Variants in CACNA2D3 observed in about 807,000 individuals in gnomAD.
The protein encoded by CACNA2D3 is voltage-dependent calcium channel subunit alpha-2/delta-3.
Under a neutral mutation model 160.6 loss-of-function variants are expected in CACNA2D3, and 60 were observed. The observed-to-expected ratio is 0.37, with a 90% confidence interval of 0.30 to 0.46. CACNA2D3 has a LOEUF of 0.46. Among genes scored for constraint, CACNA2D3 ranks in the 20% least tolerant of loss-of-function variants. The pLI, the probability that CACNA2D3 is intolerant of heterozygous loss-of-function variation, is 1.00. For synonymous variants in CACNA2D3, 558 were observed against 492.9 expected, an observed-to-expected ratio of 1.13 and a Z score of -1.75; for missense variants, 1,205 against 1,365.0, an observed-to-expected ratio of 0.88 and a Z score of 1.85.
intron 5 of CACNA2D3, among the ~76,000 whole-genome samples, chr3:54,559,919 A>G (rs1227480515): frequency 6.6e-6 from 1 of 152,188 alleles, no homozygotes; most frequent in Non-Finnish European, 1.5e-5. Flanking sequence ...TGCAGAGGAC[A>G]TGGTCTTGTT....
intron 11 of CACNA2D3, among the ~76,000 whole-genome samples, chr3:54,740,227 A>C (rs1701622364): frequency 1.3e-5 from 2 of 152,154 alleles, no homozygotes; most frequent in Non-Finnish European, 2.9e-5. Flanking sequence ...CAGCCGTACA[A>C]ATCACTGTCT....
At chr3:54,956,740 G>T (rs529859343) in intron 27 of CACNA2D3, among the ~76,000 whole-genome samples, 16 of 152,226 alleles carry the variant, frequency 1.1e-4, no homozygotes, top group African/African-American at 3.9e-4. Context: ...TTACCTAGGG[G>T]AAGACAGAAC....
At chr3:54,421,482 G>A (rs1169588783) in intron 4 of CACNA2D3, among the ~76,000 whole-genome samples, 2 of 151,956 alleles carry the variant, frequency 1.3e-5, no homozygotes, top group East Asian at 2.0e-4. Flanking sequence ...GAAAGAGGCA[G>A]AGCAGGTGAC....
chr3:54,249,077 A>G (rs1702133928), intron 2 of CACNA2D3, among the ~76,000 whole-genome samples: 1 of 152,212 alleles, frequency 6.6e-6, no homozygotes, highest in Non-Finnish European at 1.5e-5. Flanking sequence ...ACGGGATATC[A>G]AGGAGAAGAA....
At chr3:55,025,691 C>T (rs1703551147) in intron 35 of CACNA2D3, among the ~76,000 whole-genome samples, 1 of 146,000 alleles carries the variant, frequency 6.8e-6, no homozygotes, top group Admixed American at 6.9e-5. Flanking sequence ...TTATATCAGT[C>T]ATGGCTAGTC....
intron 35 of CACNA2D3, among the ~76,000 whole-genome samples, chr3:55,066,468 G>A (rs1704637831): frequency 6.6e-6 from 1 of 152,118 alleles, no homozygotes; most frequent in Non-Finnish European, 1.5e-5. Context: ...CAATCCTGTG[G>A]TCCTCGGGGG....
chr3:54,254,992 C>T (rs1211609524), intron 2 of CACNA2D3, among the ~76,000 whole-genome samples: 2 of 152,200 alleles, frequency 1.3e-5, no homozygotes, highest in Non-Finnish European at 2.9e-5. Context: ...TTATTGTCTA[C>T]CTCCTGAATC....
At chr3:54,772,908 G>A (rs1044203847) in intron 13 of CACNA2D3, among the ~76,000 whole-genome samples, 3 of 152,184 alleles carry the variant, frequency 2.0e-5, no homozygotes, top group Admixed American at 6.5e-5. Flanking sequence ...GGAAGCATCA[G>A]CATTCCTGAT....
At chr3:54,520,374 A>G (rs933305303) in intron 5 of CACNA2D3, among the ~76,000 whole-genome samples, 3 of 152,206 alleles carry the variant, frequency 2.0e-5, no homozygotes, top group African/African-American at 7.2e-5. Flanking sequence ...GGGTCATCAC[A>G]CAGCTAATTT....
intron 27 of CACNA2D3, chr3:54,927,847 G>A: frequency 1.3e-6 from 2 of 1,583,018 alleles, no homozygotes; most frequent in Non-Finnish European, 1.7e-6. Context: ...CCTTTGTGAG[G>A]GGATACCATC....
At chr3:54,586,962 C>T (rs11711760) in intron 9 of CACNA2D3, among the ~76,000 whole-genome samples, 42,804 of 151,524 alleles carry the variant, frequency 0.28, 6,861 homozygotes, top group South Asian at 0.4. Flanking sequence ...AAAAAAAATA[C>T]AAATCTGAAT....
rs557577885 is a variant in CACNA2D3, at chr3:54,348,894, A to G, written c.321+28336A>G. ...AGGTATGCACCATCATGCCTGGCTA[A>G]TTTTTGTATTTTTAGTAGAGACGGG... On this transcript the variant is annotated intron_variant, in intron 3 of 37. Coordinates refer to ENST00000474759, the MANE Select transcript of CACNA2D3 (RefSeq NM_018398.3). 2.6e-5 allele frequency among the ~76,000 whole-genome samples: 4 copies of G among 152,100 alleles called. No homozygotes were observed. In the South Asian group the frequency reaches 8.3e-4, roughly 32 times the overall value.
At chr3:54,523,536 G>A (rs565400034) in intron 5 of CACNA2D3, among the ~76,000 whole-genome samples, 2 of 152,172 alleles carry the variant, frequency 1.3e-5, no homozygotes, top group African/African-American at 4.8e-5. Context: ...GTATGATTGG[G>A]CTCATAGAAC....
At chr3:54,568,748 CAT>C (rs145979484) in intron 6 of CACNA2D3, among the ~76,000 whole-genome samples, 1,751 of 152,270 alleles carry the variant, frequency 0.011, 34 homozygotes, top group African/African-American at 0.041. Flanking sequence ...AAATTAGACA[CAT>C]GTGCAGTGGG....
At chr3:54,595,365 G>C (rs1218448879) in intron 9 of CACNA2D3, among the ~76,000 whole-genome samples, 1 of 149,148 alleles carries the variant, frequency 6.7e-6, no homozygotes, top group Non-Finnish European at 1.5e-5. Context: ...TATGGTTGTG[G>C]ATATGGATGG....
chr3:54,279,722 C>T (rs141616257), intron 2 of CACNA2D3, among the ~76,000 whole-genome samples: 2 of 152,262 alleles, frequency 1.3e-5, no homozygotes, highest in East Asian at 1.9e-4. Flanking sequence ...GAAACCATTT[C>T]GAGTTCTAGC....
chr3:55,022,727 C>A (rs1467490268), intron 35 of CACNA2D3, among the ~76,000 whole-genome samples: 1 of 140,614 alleles, frequency 7.1e-6, no homozygotes, highest in Middle Eastern at 3.6e-3. Flanking sequence ...TTTTTCCATA[C>A]TCTATGTAAA....
intron 2 of CACNA2D3, among the ~76,000 whole-genome samples, chr3:54,190,880 CTT>C (rs1022910159): frequency 2.0e-5 from 3 of 152,064 alleles, no homozygotes; most frequent in African/African-American, 7.2e-5. Context: ...GGATAAAAGA[CTT>C]AACCTCGTTG....
At chr3:54,202,951 C>G (rs1283794442) in intron 2 of CACNA2D3, among the ~76,000 whole-genome samples, 1 of 152,128 alleles carries the variant, frequency 6.6e-6, no homozygotes, top group African/African-American at 2.4e-5. Flanking sequence ...CTCACCGGGT[C>G]AGGGTTGGGA....
Sources: allele counts gnomAD v4.1 joint callset (sites outside exome capture counted in the v4.1 genomes callset), GRCh38; gene constraint gnomAD v4.1.1; transcripts MANE v1.5; gene names NCBI Gene and HGNC (gene_info 2026-07-23, HGNC 2026-07-21).